DSE: variants seen among roughly 807,000 people sequenced by gnomAD.
The protein encoded by DSE is dermatan-sulfate epimerase.
In DSE, 36 loss-of-function variants were observed where a neutral mutation model predicts 84.4. The ratio of observed to expected loss-of-function variants is 0.43; its 90% CI spans 0.33 to 0.56. The LOEUF (loss-of-function observed/expected upper bound fraction) is 0.56, where lower values mean the gene tolerates loss of function less well. DSE is among the 20% of genes least tolerant of loss of function. The pLI is 0.06. For missense variants in DSE, 862 were observed against 1,169.6 expected (o/e 0.74, Z 3.84); for synonymous variants, 410 against 430.1 (o/e 0.95, Z 0.58).
At chr6:116,349,725 T>A (rs1296708945) in intron 2 of DSE, among the ~76,000 whole-genome samples, 1 of 152,170 alleles carries the variant, frequency 6.6e-6, no homozygotes, top group Non-Finnish European at 1.5e-5. Flanking sequence ...ATAAAACCTC[T>A]GTCCTTACTG....
rs1784111819 is a variant in DSE at position 116,435,806 on chromosome 6, T to C, written c.1338T>C (p.Phe446=). ...YKDWIKGWRN[F]NAGHEHPDQN... ...ATTGGATCAAAGGATGGAGAAATTT[T>C]AATGCAGGGCATGAACATCCTGATC... is the stretch of plus-strand genomic sequence containing the variant. Residue 446 remains phenylalanine, a synonymous_variant, in exon 6 of 6, where the codon TTT becomes TTC. Coordinates refer to ENST00000644252, the MANE Select transcript of DSE (RefSeq NM_013352.4). 6.2e-7 allele frequency: 1 copy of C among 1,614,184 alleles called. No homozygotes were observed. Among genetic ancestry groups the C allele is most frequent in the Non-Finnish European group, 8.5e-7 (1 of 1,180,018 alleles).
In DSE at chr6:116,281,636, C is replaced by G. The variant is rs185211564; in HGVS notation, c.-54+22669C>G. Among the ~76,000 whole-genome samples, 221 of 152,348 alleles carry G rather than the reference C, an allele frequency of 1.5e-3. 1 individual carries two copies. Among genetic ancestry groups the G allele is most frequent in the African/African-American group, 5.1e-3 (211 of 41,576 alleles). ...AGCCTAAACATACCACAAACGATATCTGAGGAGACTGTAAACTGCAAGAGG... is the reference window on the plus strand; with the variant it reads ...AGCCTAAACATACCACAAACGATATGTGAGGAGACTGTAAACTGCAAGAGG... On this transcript the variant is annotated intron_variant, in intron 2 of 3. Coordinates refer to the DSE transcript ENST00000430252.
chr6:116,296,088 G>A (rs1289736545), intron 2 of DSE, among the ~76,000 whole-genome samples: 1 of 151,974 alleles, frequency 6.6e-6, no homozygotes, highest in Non-Finnish European at 1.5e-5. Context: ...GCTGTCCCTT[G>A]GTATCCAGGG....
chr6:116,351,405 A>C (rs1271015114), intron 2 of DSE, among the ~76,000 whole-genome samples: 1 of 152,122 alleles, frequency 6.6e-6, no homozygotes, highest in Non-Finnish European at 1.5e-5. Flanking sequence ...CACATCTTAA[A>C]ACTTTTATTT....
At chr6:116,429,246 T>C (rs903641468) in intron 3 of DSE, among the ~76,000 whole-genome samples, 1 of 152,184 alleles carries the variant, frequency 6.6e-6, no homozygotes, top group African/African-American at 2.4e-5. Context: ...CACCTCTGCA[T>C]ACCCAAGCCT....
chr6:116,343,423 C>T (rs551858153), intron 2 of DSE, among the ~76,000 whole-genome samples: 15 of 152,286 alleles, frequency 9.8e-5, no homozygotes, highest in African/African-American at 2.6e-4. Flanking sequence ...CCTCATACAG[C>T]CAGGTCCCCC....
chr6:116,436,254 G>A lies in DSE; in HGVS notation c.1786G>A (p.Glu596Lys). Residue 596 changes from glutamate to lysine, a missense_variant, in exon 6 of 6, where the codon GAG becomes AAG. Glu to Lys is a moderately conservative substitution (Grantham distance 56, BLOSUM62 1). This residue lies in a region of DSE where 186 missense variants were observed against 255.1 expected (regional missense o/e 0.73). Coordinates refer to ENST00000644252, the MANE Select transcript of DSE (RefSeq NM_013352.4). ...CCATAATGTGGATGTTCCTTTTGAG[G>A]AGACTGTGGTAGATGGTGTCCATGG... The part of the protein sequence containing the change: ...FFHNVDVPFE[E>K]TVVDGVHGAF... The A allele has an allele frequency of 1.2e-6, 2 of 1,614,134 alleles. No homozygotes were observed. The highest frequency in any genetic ancestry group is 1.7e-6 in the Non-Finnish European group (2 of 1,180,022).
intron 2 of DSE, among the ~76,000 whole-genome samples, chr6:116,315,914 C>T (rs551045245): frequency 1.1e-4 from 16 of 152,164 alleles, no homozygotes; most frequent in African/African-American, 2.2e-4. Context: ...TGCTTGTACC[C>T]GGGAGGCAGA....
chr6:116,356,226 C>G (rs1369925296), intron 2 of DSE, among the ~76,000 whole-genome samples: 1 of 152,188 alleles, frequency 6.6e-6, no homozygotes, highest in African/African-American at 2.4e-5. Context: ...GTAAATAGTT[C>G]TAGTTTTTGG....
chr6:116,359,386 G>T (rs533804023), intron 2 of DSE, among the ~76,000 whole-genome samples: 1 of 151,870 alleles, frequency 6.6e-6, no homozygotes, highest in Non-Finnish European at 1.5e-5. Context: ...TTTTTTTAAC[G>T]GTAGATTAGA....
chr6:116,279,572 C>G (rs1582929673), intron 2 of DSE: 1 of 1,602,876 alleles, frequency 6.2e-7, no homozygotes, highest in African/African-American at 1.3e-5. Flanking sequence ...CCGCGACCCC[C>G]AACAACTCGG....
At chr6:116,270,611 T>C (rs1041230796) in intron 2 of DSE, among the ~76,000 whole-genome samples, 4 of 151,912 alleles carry the variant, frequency 2.6e-5, no homozygotes, top group Non-Finnish European at 5.9e-5. Flanking sequence ...GCAGTAGATA[T>C]AAAAAATTAC....
chr6:116,331,412 A>G (rs1189172781), intron 2 of DSE, among the ~76,000 whole-genome samples: 1 of 152,114 alleles, frequency 6.6e-6, no homozygotes, highest in Non-Finnish European at 1.5e-5. Flanking sequence ...CGAAGTGGGG[A>G]AAAGCCCCTT....
chr6:116,414,830 T>G (rs1453961387), intron 2 of DSE, among the ~76,000 whole-genome samples: 1 of 152,222 alleles, frequency 6.6e-6, no homozygotes, highest in Non-Finnish European at 1.5e-5. Flanking sequence ...TAGCTTTTTG[T>G]TTTATTTGGT....
rs141760003 is a variant in DSE, at chr6:116,437,025, G to A, written c.2557G>A (p.Asp853Asn). ...ACAGAAAGAACTACCCATAGATGAA[G>A]ATGAAGAAATGAAAGACCTTTTAGA... ...LAQKELPIDE[D>N]EEMKDLLDFA... Residue 853 changes from aspartate (D) to asparagine (N), a missense_variant, in exon 6 of 6, where the codon GAT (aspartate) becomes AAT (asparagine). Physicochemically the swap from Asp to Asn is conservative, Grantham distance 23. Coordinates refer to ENST00000644252, the MANE Select transcript of DSE (RefSeq NM_013352.4). 1.9e-6 allele frequency: 3 copies of A among 1,614,090 alleles called. No homozygotes were observed. The highest frequency in any genetic ancestry group is 2.5e-6 in the Non-Finnish European group (3 of 1,179,984).
rs1775497399 is a variant in DSE, at chr6:116,308,769, C to G, written c.-54+49802C>G. Among the ~76,000 whole-genome samples, 4 of 152,002 alleles carry G rather than the reference C, an allele frequency of 2.6e-5. No homozygotes were observed. The South Asian group carries it at 8.3e-4, about 32-fold the overall frequency. On this transcript the variant is annotated intron_variant, in intron 2 of 3. Transcript: ENST00000430252. The stretch of plus-strand genomic sequence containing the variant: ...CTCGGCTCACTGCAAGCTCCGCCTC[C>G]CGGGTTCATGCCATTCTCCTGCCTC...
Position 116,441,078 on chromosome 6 carries a change from A to G in DSE, c.*3733A>G, listed in dbSNP as rs1784408450. The G allele has an allele frequency of 6.6e-6, 1 of 152,092 alleles. No homozygotes were observed. The highest frequency in any genetic ancestry group is 2.4e-5 in the African/African-American group (1 of 41,408). 9.4% of individuals were successfully genotyped at this position (152,092 alleles called of 1,614,324 possible). A position where few individuals can be genotyped will look rare whatever the true frequency, so the allele number is the denominator to read the frequency against. On this transcript the variant is annotated 3_prime_UTR_variant, in exon 6 of 6. Coordinates refer to ENST00000644252, the MANE Select transcript of DSE (RefSeq NM_013352.4). ...TTTTTTTCAGCAATGTTTCAGCTAG[A>G]TATTTGCTTTATGCATGTAATGTCA...
intron 2 of DSE, among the ~76,000 whole-genome samples, chr6:116,350,281 G>A: frequency 6.6e-6 from 1 of 152,250 alleles, no homozygotes; most frequent in South Asian, 2.1e-4. Flanking sequence ...GAAGATCAAT[G>A]GGTATGGGCC....
intron 2 of DSE, among the ~76,000 whole-genome samples, chr6:116,402,574 G>C (rs995704652): frequency 6.6e-6 from 1 of 152,096 alleles, no homozygotes; most frequent in Non-Finnish European, 1.5e-5. Flanking sequence ...GGTAATTATT[G>C]ATGCTGTTCT....
Sources: allele counts gnomAD v4.1 joint callset (sites outside exome capture counted in the v4.1 genomes callset), GRCh38; gene constraint gnomAD v4.1.1; regional missense constraint gnomAD v4.1.1; transcripts MANE v1.5; gene names NCBI Gene and HGNC (gene_info 2026-07-23, HGNC 2026-07-21).